The following CEP85L variants were observed in gnomAD, a reference collection of about 807,000 sequenced individuals.
CEP85L encodes the protein centrosomal protein of 85 kDa-like.
CEP85L carries 60 observed loss-of-function variants against 100.3 expected under a neutral mutation model. The ratio of observed to expected loss-of-function variants is 0.60; its 90% CI spans 0.49 to 0.74. CEP85L has a LOEUF of 0.74. CEP85L is among the 30% of genes least tolerant of loss of function. The pLI, the probability that CEP85L is intolerant of heterozygous loss-of-function variation, is 0.00. For synonymous variants in CEP85L, 319 were observed against 322.7 expected (o/e 0.99, Z 0.12); for missense variants, 973 against 936.2 (o/e 1.04, Z -0.51).
At chr6:118,610,367 C>A (rs1772526614) in intron 2 of CEP85L, among the ~76,000 whole-genome samples, 1 of 152,120 alleles carries the variant, frequency 6.6e-6, no homozygotes, top group South Asian at 2.1e-4. Flanking sequence ...ATAGTAGTAT[C>A]CAAGAAGCCC....
rs1393735679 is a variant in CEP85L at position 118,565,813 on chromosome 6, T to C, written c.736A>G (p.Thr246Ala). The C allele has an allele frequency of 1.2e-6, 2 of 1,614,044 alleles. No homozygotes were observed. The highest frequency in any genetic ancestry group is 1.6e-4 in the Middle Eastern group (1 of 6,062). The change falls in exon 3 of 13, where the codon ACT (threonine) becomes GCT (alanine). Residue 246 changes from threonine to alanine, a missense_variant. Physicochemically the swap from Thr to Ala is moderately conservative, Grantham distance 58. Coordinates refer to ENST00000368491, the MANE Select transcript of CEP85L (RefSeq NM_001042475.3). Reference sequence around the variant, plus strand: ...ATGTCTACAGGCTGTCTCCTAAGAGTAGAGGAAGAGGCTCTAAAGTCCTCC... The same window carrying C: ...ATGTCTACAGGCTGTCTCCTAAGAGCAGAGGAAGAGGCTCTAAAGTCCTCC... The part of the protein sequence containing the change: ...SKEDFRASSS[T>A]LRRQPVDMTY...
rs370866429 is a variant in CEP85L, at chr6:118,486,028, T to A, written c.1438-2170A>T. Among the ~76,000 whole-genome samples, 5 of 152,356 alleles carry A rather than the reference T, an allele frequency of 3.3e-5. No individual in the cohort carries two copies. The East Asian group carries it at 5.8e-4, about 18-fold the overall frequency. Reference sequence around the variant, plus strand: ...TTGTCCAACTCTCTTTGCTGTCATGTCAAGCTTGCTTCCCTTGATCACAAA... The same window carrying A: ...TTGTCCAACTCTCTTTGCTGTCATGACAAGCTTGCTTCCCTTGATCACAAA... On this transcript the variant is annotated intron_variant, in intron 6 of 12. Coordinates refer to ENST00000368491, the MANE Select transcript of CEP85L (RefSeq NM_001042475.3).
At chr6:118,473,506 T>C (rs1332183858) in intron 10 of CEP85L, among the ~76,000 whole-genome samples, 2 of 151,996 alleles carry the variant, frequency 1.3e-5, no homozygotes, top group East Asian at 1.9e-4. Context: ...GAAGACAGCA[T>C]GCAGAACAGA....
chr6:118,681,347 G>A (rs756294089), intron 1 of CEP85L, among the ~76,000 whole-genome samples: 5 of 152,102 alleles, frequency 3.3e-5, no homozygotes, highest in Non-Finnish European at 7.4e-5. Context: ...AAGGGAGAGA[G>A]GAGTTGAGAA....
At chr6:118,696,058 G>A (rs911058221) in intron 1 of CEP85L, among the ~76,000 whole-genome samples, 8 of 152,142 alleles carry the variant, frequency 5.3e-5, no homozygotes, top group Admixed American at 2.0e-4. Flanking sequence ...ATCACCTGAG[G>A]TCACGAGTTC....
intron 1 of CEP85L, among the ~76,000 whole-genome samples, chr6:118,658,852 G>A (rs1347186606): frequency 6.6e-6 from 1 of 152,006 alleles, no homozygotes; most frequent in East Asian, 1.9e-4. Context: ...AGAAAAACGG[G>A]AAAATCATAT....
At chr6:118,652,115 A>T (rs1775605306), upstream of CEP85L, among the ~76,000 whole-genome samples, 1 of 152,200 alleles carries the variant, frequency 6.6e-6, no homozygotes, top group African/African-American at 2.4e-5. Flanking sequence ...GGGGCAACAC[A>T]GGCACCAGAA....
intron 3 of CEP85L, among the ~76,000 whole-genome samples, chr6:118,545,748 C>T (rs1040039645): frequency 1.3e-5 from 2 of 152,048 alleles, no homozygotes; most frequent in Admixed American, 6.6e-5. Context: ...ATTTTCCCAT[C>T]CAAGTTCAAA....
chr6:118,525,497 G>C (rs1026630540), intron 3 of CEP85L, among the ~76,000 whole-genome samples: 3 of 152,196 alleles, frequency 2.0e-5, no homozygotes, highest in Non-Finnish European at 4.4e-5. Flanking sequence ...CTAAAGAAAG[G>C]GGAAATTTTG....
rs369142093 is a variant in CEP85L, at chr6:118,658,689, T to C, written c.-27-5881A>G. ...TATGATTGTAAATATATGTTAAATA[T>C]AAAAGTGGAAAAAGCAACATTTAAA... On this transcript the variant is annotated intron_variant, in intron 1 of 13. Coordinates refer to the CEP85L transcript ENST00000368488. Among the ~76,000 whole-genome samples the C allele has an allele frequency of 2.6e-5, 4 of 152,122 alleles. No individual in the cohort carries two copies. In the East Asian group the frequency reaches 7.7e-4, roughly 29 times the overall value.
At chr6:118,599,682 C>T (rs890689976) in intron 2 of CEP85L, among the ~76,000 whole-genome samples, 7 of 151,990 alleles carry the variant, frequency 4.6e-5, no homozygotes, top group African/African-American at 1.7e-4. Flanking sequence ...CTTAAACAAG[C>T]GACCAAGGTA....
chr6:118,560,340 A>G (rs1779150819), intron 3 of CEP85L: 1 of 167,062 alleles, frequency 6.0e-6, no homozygotes, highest in African/African-American at 2.4e-5. Context: ...TTCCTACAAT[A>G]AAGTAAGCTA....
At chr6:118,473,286 GACT>G (rs1488496706) in intron 10 of CEP85L, among the ~76,000 whole-genome samples, 1 of 152,132 alleles carries the variant, frequency 6.6e-6, no homozygotes, top group Non-Finnish European at 1.5e-5. Context: ...ATTAGAATTT[GACT>G]AGTGCTGTGG....
At chr6:118,590,056 C>CACACACACACAT (rs772973156) in intron 2 of CEP85L, among the ~76,000 whole-genome samples, 3 of 44,638 alleles carry the variant, frequency 6.7e-5, no homozygotes, top group Non-Finnish European at 2.1e-4. Flanking sequence ...CACACACACA[C>CACACACACACAT]ACACACACAC....
chr6:118,589,294 G>A (rs1781043877), intron 2 of CEP85L: 1 of 236,014 alleles, frequency 4.2e-6, no homozygotes, highest in South Asian at 7.7e-5. Flanking sequence ...ACAATAAATG[G>A]GCTGCAGAAT....
At chr6:118,558,836 G>T in intron 3 of CEP85L, 1 of 901,768 alleles carries the variant, frequency 1.1e-6, no homozygotes. Flanking sequence ...CTACCTAAAA[G>T]AAGACAGTTA....
rs145422040 is a variant in CEP85L at position 118,697,103 on chromosome 6, C to T, written c.-28+12933G>A. ...GTTGTATGGCCCTTTTTGAGGCTCA[C>T]GAGGGAAACAGAATCACCATGATCA... On this transcript the variant is annotated intron_variant, in intron 1 of 13. Coordinates refer to the CEP85L transcript ENST00000368488. Among the ~76,000 whole-genome samples the T allele has an allele frequency of 2.0e-3, 305 of 152,196 alleles. 1 individual carries two copies. Among genetic ancestry groups the T allele is most frequent in the African/African-American group, 7.1e-3 (294 of 41,518 alleles).
chr6:118,491,194 TATACACACACACACACACACACAC>T (rs1238111198), intron 6 of CEP85L, among the ~76,000 whole-genome samples: 3 of 81,300 alleles, frequency 3.7e-5, no homozygotes, highest in Middle Eastern at 7.8e-3. Context: ...TACCAACATC[TATACACACACACACACACACACAC>T]ACACACACAC....
At chr6:118,473,205 T>C (rs1407186488) in intron 10 of CEP85L, among the ~76,000 whole-genome samples, 1 of 152,196 alleles carries the variant, frequency 6.6e-6, no homozygotes, top group Non-Finnish European at 1.5e-5. Context: ...CTCTTGGCCT[T>C]TGTGGAACTT....
Sources: allele counts gnomAD v4.1 joint callset (sites outside exome capture counted in the v4.1 genomes callset), GRCh38; gene constraint gnomAD v4.1.1; transcripts MANE v1.5; gene names NCBI Gene and HGNC (gene_info 2026-07-23, HGNC 2026-07-21).